The following LTN1 variants were observed in gnomAD, a reference collection of about 807,000 sequenced individuals.
The protein encoded by LTN1 is listerin E3 ubiquitin protein ligase 1, also known as E3 ubiquitin-protein ligase listerin.
LTN1 carries 88 observed loss-of-function variants against 201.2 expected under a neutral mutation model. The observed-to-expected ratio is 0.44, with a 90% CI of 0.37 to 0.52. LTN1 has a LOEUF of 0.52. Ranked by LOEUF, LTN1 falls within the 20% of genes least tolerant of loss-of-function variation. The pLI is 0.00. For synonymous variants in LTN1, 645 were observed against 713.5 expected, an observed-to-expected ratio of 0.90 and a Z score of 1.53; for missense variants, 1,752 against 2,038.7, an observed-to-expected ratio of 0.86 and a Z score of 2.71.
At position 28,992,829 on chromosome 21, in the gene LTN1, G is replaced by A. The variant is rs367721639; in HGVS notation, c.-24C>T. ...ATGGTCGCGGTTGCAGCTGTACTCTGAGCACTCAGACCCCGGTTGACACGT... is the reference window on the plus strand; with the variant it reads ...ATGGTCGCGGTTGCAGCTGTACTCTAAGCACTCAGACCCCGGTTGACACGT... On this transcript the variant is annotated 5_prime_UTR_variant, in exon 1 of 30. Transcript: ENST00000361371. 3.1e-6 allele frequency: 5 copies of A among 1,614,096 alleles called. No individual in the cohort carries two copies. In the South Asian group the frequency reaches 3.3e-5, roughly 11 times the overall value.
At position 28,970,713 on chromosome 21, in the gene LTN1, C is replaced by T. The variant is rs139536393; in HGVS notation, c.1014G>A (p.Lys338=). 4.0e-5 allele frequency: 65 copies of T among 1,613,850 alleles called. No homozygotes were observed. The African/African-American group carries it at 8.3e-4, about 21-fold the overall frequency. ...CAGTTGATAGCTTGGGAAACACACT[C>T]TTTTTTGCATTTACATGAAGCCAAC... is the stretch of plus-strand genomic sequence containing the variant. ...EDCWLHVNAK[K]SVFPKLSTVI... Residue 338 remains lysine, a synonymous_variant, in exon 8 of 30, where the codon AAG becomes AAA. Coordinates refer to ENST00000361371, the MANE Select transcript of LTN1 (RefSeq NM_015565.3).
At chr21:28,991,691 T>C (rs945813165) in intron 1 of LTN1, among the ~76,000 whole-genome samples, 1 of 152,230 alleles carries the variant, frequency 6.6e-6, no homozygotes, top group Non-Finnish European at 1.5e-5. Context: ...CATTAAAAGA[T>C]GCAAGTAAAG....
At chr21:28,938,861 G>A (rs903908060) in intron 25 of LTN1, among the ~76,000 whole-genome samples, 2 of 152,320 alleles carry the variant, frequency 1.3e-5, no homozygotes, top group Admixed American at 6.5e-5. Flanking sequence ...ACAGGCAGAT[G>A]CATAGAGACA....
chr21:28,966,050 T>G, intron 10 of LTN1, 144 bp from the exon 11 acceptor site: 1 of 621,590 alleles, frequency 1.6e-6, no homozygotes, highest in East Asian at 2.9e-5. Flanking sequence ...TGGGACTACA[T>G]GCATGCGCCA....
chr21:28,943,179 G>A (rs1489290308), intron 24 of LTN1, 83 bp downstream of exon 24: 2 of 743,374 alleles, frequency 2.7e-6, no homozygotes, highest in Non-Finnish European at 4.6e-6. Flanking sequence ...TATAGCTTCT[G>A]TGCTGCTTCA....
At chr21:28,962,868 A>G (rs2084490745) in intron 11 of LTN1, among the ~76,000 whole-genome samples, 1 of 152,244 alleles carries the variant, frequency 6.6e-6, no homozygotes, top group South Asian at 2.1e-4. Context: ...AGAAAGTGAC[A>G]TAGACTTACT....
intron 25 of LTN1, among the ~76,000 whole-genome samples, chr21:28,938,087 A>G (rs1376614321): frequency 6.6e-6 from 1 of 152,220 alleles, no homozygotes; most frequent in African/African-American, 2.4e-5. Context: ...AAGAAACTAA[A>G]GAAATATGAC....
At chr21:28,932,287 A>T (rs534310151) in intron 28 of LTN1, among the ~76,000 whole-genome samples, 183 bp downstream of exon 28, 8 of 152,360 alleles carry the variant, frequency 5.3e-5, no homozygotes, top group South Asian at 2.1e-4. Flanking sequence ...TAAATTACAG[A>T]ACCTTAACAA....
chr21:28,959,852 T>A (rs986585025), intron 12 of LTN1, 155 bp from the exon 13 acceptor site: 3 of 626,166 alleles, frequency 4.8e-6, no homozygotes, highest in Non-Finnish European at 7.9e-6. Context: ...CTCTCACACA[T>A]AAAGGCCCTC....
intron 27 of LTN1, among the ~76,000 whole-genome samples, chr21:28,932,897 A>G (rs541761558): frequency 1.3e-5 from 2 of 152,348 alleles, no homozygotes; most frequent in East Asian, 3.9e-4. Context: ...AATTGCTCAT[A>G]AAAAAGGTTT....
intron 21 of LTN1, 89 bp downstream of exon 21, chr21:28,945,718 T>A: frequency 8.4e-7 from 1 of 1,185,360 alleles, no homozygotes; most frequent in East Asian, 2.4e-5. Flanking sequence ...ATTACAATCA[T>A]CACTTAAAGA....
intron 1 of LTN1, among the ~76,000 whole-genome samples, chr21:28,990,426 T>C (rs1218257165): frequency 6.6e-6 from 1 of 152,180 alleles, no homozygotes; most frequent in East Asian, 1.9e-4. Flanking sequence ...ATTAGTTGGG[T>C]TGTTTTCATG....
At chr21:28,947,677 T>C (rs2084349367) in intron 18 of LTN1, 71 bp from the exon 19 acceptor site, 2 of 878,626 alleles carry the variant, frequency 2.3e-6, no homozygotes, top group East Asian at 3.0e-5. Flanking sequence ...ATTTCTTTTA[T>C]TTAGACTACT....
Position 28,984,812 on chromosome 21 carries a change from T to C in LTN1, c.456A>G (p.Leu152=). ...GTGTGTAAGTATCACACTGAGCCATTAGCCAATATCCCATTAAACTTTTTA... is the reference window on the plus strand; with the variant it reads ...GTGTGTAAGTATCACACTGAGCCATCAGCCAATATCCCATTAAACTTTTTA... ...PYLKSLMGYW[L]MAQCDTYTPA... is the part of the protein sequence containing the mutation. Residue 152 remains leucine (L), a synonymous_variant, in exon 4 of 30, where the codon CTA becomes CTG. Transcript: ENST00000361371. 1 of 1,614,128 alleles carries C rather than the reference T, an allele frequency of 6.2e-7. No individual in the cohort carries two copies. Among genetic ancestry groups the C allele is most frequent in the Non-Finnish European group, 8.5e-7 (1 of 1,179,962 alleles).
At chr21:28,935,027 T>C (rs2084242967) in intron 27 of LTN1, 82 bp downstream of exon 27, 2 of 906,638 alleles carry the variant, frequency 2.2e-6, no homozygotes, top group Non-Finnish European at 3.6e-6. Context: ...AGTTAAGAGC[T>C]ACAGTCTGTT....
At position 28,952,236 on chromosome 21, in the gene LTN1, G is replaced by A. The variant is rs941438558; in HGVS notation, c.3268C>T (p.Leu1090Phe). The change falls in exon 18 of 30, where the codon CTT becomes TTT. Residue 1090 changes from leucine to phenylalanine, a missense_variant. Physicochemically the swap from Leu to Phe is conservative, Grantham distance 22. Around this residue, in one of 3 missense-constraint regions of LTN1, gnomAD observed 1,211 missense variants for 1,312.8 expected, o/e 0.92. Coordinates refer to ENST00000361371, the MANE Select transcript of LTN1 (RefSeq NM_015565.3). ...RSREHGTLWS[L>F]IIAKLILSRS... ...GAAAGGATCAACTTAGCAATAATAA[G>A]AGACCACAGTGTGCCATGTTCTCTG... 1 of 1,609,312 alleles carries A rather than the reference G, an allele frequency of 6.2e-7. No homozygotes were observed. Among genetic ancestry groups the A allele is most frequent in the Admixed American group, 1.7e-5 (1 of 59,620 alleles).
intron 5 of LTN1, among the ~76,000 whole-genome samples, chr21:28,981,610 T>C (rs1360013157): frequency 6.6e-6 from 1 of 152,178 alleles, no homozygotes; most frequent in Non-Finnish European, 1.5e-5. Flanking sequence ...TAAGACTATT[T>C]TCCCTCAAGG....
rs754590526 is a variant in LTN1, at chr21:28,958,512, G to C, written c.2621C>G (p.Thr874Ser). 6 of 1,604,468 alleles carry C rather than the reference G, an allele frequency of 3.7e-6. No homozygotes were observed. ...CAATAAATTTACACCAGAGAGCCAA[G>C]TATTTTTCAGTTTACAGATAAGAAA... ...PDFLICKLKN[T>S]WLSGVNLLVH... The change falls in exon 14 of 30, where the codon ACT (threonine) becomes AGT (serine). Residue 874 changes from threonine to serine, a missense_variant. Thr to Ser is a moderately conservative substitution (Grantham distance 58). Around this residue, in one of 3 missense-constraint regions of LTN1, gnomAD observed 1,211 missense variants for 1,312.8 expected, o/e 0.92. Transcript: ENST00000361371.
intron 15 of LTN1, 44 bp from the exon 16 acceptor site, chr21:28,956,992 G>T: frequency 2.5e-6 from 3 of 1,207,756 alleles, no homozygotes; most frequent in Non-Finnish European, 2.3e-6. Context: ...TATTACCTAA[G>T]CAATTGAGAC....
Sources: gnomAD v4.1 joint callset for allele counts (sites outside exome capture counted in the v4.1 genomes callset) on GRCh38, gnomAD v4.1.1 for gene constraint, gnomAD v4.1.1 regional missense constraint, MANE v1.5 for transcripts, NCBI Gene and HGNC (gene_info 2026-07-23, HGNC 2026-07-21) for gene names.